The following SWAP70 variants were observed in gnomAD, a reference collection of about 807,000 sequenced individuals.
SWAP70 encodes the protein switching B cell complex subunit SWAP70.
Under a neutral mutation model 80.2 loss-of-function variants are expected in SWAP70, and 34 were observed. That is an observed-to-expected ratio of 0.42 (90% CI 0.32 to 0.56). The LOEUF is 0.56. SWAP70 is among the 20% of genes least tolerant of loss of function. The pLI is 0.09. For missense variants in SWAP70, 578 were observed against 690.7 expected (o/e 0.84, Z 1.83); for synonymous variants, 239 against 238.5 (o/e 1.00, Z -0.02).
At chr11:9,735,702 G>T (rs548649495) in intron 7 of SWAP70, among the ~76,000 whole-genome samples, 1 of 152,318 alleles carries the variant, frequency 6.6e-6, no homozygotes, top group South Asian at 2.1e-4. Flanking sequence ...TAATATCTTG[G>T]TGAGAACTAG....
At chr11:9,719,093 C>CAAAAAAAAAAAAAAA (rs3049796) in intron 3 of SWAP70, among the ~76,000 whole-genome samples, 1 of 95,726 alleles carries the variant, frequency 1.0e-5, no homozygotes, top group African/African-American at 4.3e-5. Flanking sequence ...GACACTGAAT[C>CAAAAAAAAAAAAAAA]AAAAAAAAAA....
chr11:9,675,346 CGAGAGAGAGA>C (rs1184480305), intron 1 of SWAP70, among the ~76,000 whole-genome samples: 2 of 8,416 alleles, frequency 2.4e-4, no homozygotes, highest in Admixed American at 2.4e-3. Context: ...AGAGAGGGAG[CGAGAGAGAGA>C]GAGAGAGAGA....
chr11:9,750,037 C>T lies in SWAP70; in HGVS notation c.*67C>T, dbSNP rs1167391321. ...TGGCAGGAGAGCTTTACGCTAAAGACAAAAGAAACAGCTTTGGGGGCCGGG... is the reference window on the plus strand; with the variant it reads ...TGGCAGGAGAGCTTTACGCTAAAGATAAAAGAAACAGCTTTGGGGGCCGGG... On this transcript the variant is annotated 3_prime_UTR_variant, in exon 12 of 12. Coordinates refer to ENST00000318950, the MANE Select transcript of SWAP70 (RefSeq NM_015055.4). 10 of 1,164,718 alleles carry T rather than the reference C, an allele frequency of 8.6e-6. No homozygotes were observed. The highest frequency in any genetic ancestry group is 1.1e-5 in the Non-Finnish European group (9 of 787,144). The allele number at this position is 1,164,718 out of a possible 1,614,324, so 72.1% of individuals were successfully genotyped here. A position where few individuals can be genotyped will look rare whatever the true frequency, so the allele number is the denominator to read the frequency against.
chr11:9,727,077 C>T (rs2454612), intron 4 of SWAP70: 126,593 of 410,216 alleles, frequency 0.31, 20,511 homozygotes, highest in Non-Finnish European at 0.34. Context: ...TTTTCAGTGA[C>T]TGAGGTTTTA....
At chr11:9,672,195 C>CTCTA (rs1554982641) in intron 1 of SWAP70, among the ~76,000 whole-genome samples, 12 of 78,436 alleles carry the variant, frequency 1.5e-4, no homozygotes, top group African/African-American at 5.9e-4. Flanking sequence ...ATGTGTGTGT[C>CTCTA]TATATATATA....
At chr11:9,698,231 A>G (rs1471680728) in intron 2 of SWAP70, among the ~76,000 whole-genome samples, 1 of 147,850 alleles carries the variant, frequency 6.8e-6, no homozygotes, top group Non-Finnish European at 1.5e-5. Context: ...CTCCCCAGTA[A>G]ATGGGATTAT....
chr11:9,677,498 G>A (rs1023628324), intron 1 of SWAP70, among the ~76,000 whole-genome samples: 2 of 152,040 alleles, frequency 1.3e-5, no homozygotes, highest in Non-Finnish European at 2.9e-5. Flanking sequence ...CTGTCCTGGA[G>A]GTAACCATTA....
At chr11:9,701,792 C>T (rs1328534587) in intron 2 of SWAP70, among the ~76,000 whole-genome samples, 3 of 142,188 alleles carry the variant, frequency 2.1e-5, no homozygotes, top group Non-Finnish European at 3.0e-5. Context: ...CTAGTTAGTA[C>T]CAATAAAGTA....
chr11:9,683,650 A>G (rs2134436311), intron 1 of SWAP70, among the ~76,000 whole-genome samples: 1 of 152,286 alleles, frequency 6.6e-6, no homozygotes, highest in East Asian at 1.9e-4. Context: ...TGGGAAAAGG[A>G]ACTGTCAAAC....
rs1565111576 is a variant in SWAP70, at chr11:9,675,332, A to AGG, written c.99+11055_99+11056insGG. Among the ~76,000 whole-genome samples, 41 of 73,746 alleles carry AGG rather than the reference A, an allele frequency of 5.6e-4. 3 individuals carry two copies. Among genetic ancestry groups the AGG allele is most frequent in the Middle Eastern group, 6.8e-3 (1 of 146 alleles). The allele number at this position is 73,746 out of a possible 152,430, so 48.4% of individuals were successfully genotyped here. The stretch of plus-strand genomic sequence containing the variant: ...AACAGAGAGGGAGCGAGAGAGAGAG[A>AGG]GAGAGAGAGGGAGCGAGAGAGAGAG... On this transcript the variant is annotated intron_variant, in intron 1 of 11. Transcript: ENST00000318950.
At chr11:9,668,849 T>G (rs1850339788) in intron 1 of SWAP70, among the ~76,000 whole-genome samples, 1 of 152,196 alleles carries the variant, frequency 6.6e-6, no homozygotes, top group African/African-American at 2.4e-5. Flanking sequence ...AATGGATATA[T>G]TCACTAGATA....
chr11:9,714,161 T>A (rs1481309325), intron 3 of SWAP70, among the ~76,000 whole-genome samples: 2 of 142,122 alleles, frequency 1.4e-5, no homozygotes, highest in Non-Finnish European at 3.3e-5. Flanking sequence ...GGAGTAAGGC[T>A]TCTGTGCTAT....
At chr11:9,676,803 C>T (rs150872812) in intron 1 of SWAP70, among the ~76,000 whole-genome samples, 19 of 152,122 alleles carry the variant, frequency 1.2e-4, no homozygotes, top group African/African-American at 4.1e-4. Context: ...GCGCCCGCCA[C>T]CACGCCCGGC....
chr11:9,681,974 G>A (rs920388469), intron 1 of SWAP70, among the ~76,000 whole-genome samples: 3 of 152,188 alleles, frequency 2.0e-5, no homozygotes, highest in Non-Finnish European at 2.9e-5. Flanking sequence ...TACTTGTGTG[G>A]TAATGGGAAA....
chr11:9,692,504 C>T (rs1238451667), intron 1 of SWAP70, among the ~76,000 whole-genome samples: 3 of 151,860 alleles, frequency 2.0e-5, no homozygotes, highest in Non-Finnish European at 4.4e-5. Flanking sequence ...CATATCCGTA[C>T]ATAGCAAGCT....
intron 1 of SWAP70, chr11:9,680,987 G>C (rs1444794531): frequency 6.3e-6 from 1 of 158,608 alleles, no homozygotes; most frequent in East Asian, 1.9e-4. Context: ...TGATTTCGCT[G>C]ATCTGGCTGG....
chr11:9,694,352 G>A lies in SWAP70; in HGVS notation c.240+66G>A. On this transcript the variant is annotated intron_variant, in intron 2 of 11. Transcript: ENST00000318950. Reference sequence around the variant, plus strand: ...TTGCATGTTTCAAGTGGGCCCAAAAGCCCCCTGTTGGTGAGTTCACTAAGG... The same window carrying A: ...TTGCATGTTTCAAGTGGGCCCAAAAACCCCCTGTTGGTGAGTTCACTAAGG... 5.3e-6 allele frequency: 8 copies of A among 1,496,756 alleles called. No individual in the cohort carries two copies. In the South Asian group the frequency reaches 9.7e-5, roughly 18 times the overall value. The allele number at this position is 1,496,756 out of a possible 1,614,324, so 92.7% of individuals were successfully genotyped here. A position where few individuals can be genotyped will look rare whatever the true frequency, so the allele number is the denominator to read the frequency against.
At chr11:9,676,816 A>AT (rs769671314) in intron 1 of SWAP70, among the ~76,000 whole-genome samples, 101 of 151,450 alleles carry the variant, frequency 6.7e-4, no homozygotes, top group South Asian at 1.9e-3. Context: ...CGCCCGGCTA[A>AT]TTTTTTTTGT....
At chr11:9,723,996 A>G (rs1851174758) in intron 3 of SWAP70, among the ~76,000 whole-genome samples, 2 of 151,366 alleles carry the variant, frequency 1.3e-5, no homozygotes, top group Non-Finnish European at 2.9e-5. Context: ...CTGGTCTTGA[A>G]CTCCATGCCT....
Sources: allele counts gnomAD v4.1 joint callset (sites outside exome capture counted in the v4.1 genomes callset), GRCh38; gene constraint gnomAD v4.1.1; transcripts MANE v1.5; gene names NCBI Gene and HGNC (gene_info 2026-07-23, HGNC 2026-07-21).